Variants in KCNJ16 observed in about 807,000 individuals in gnomAD.
The protein encoded by KCNJ16 is potassium inwardly rectifying channel subfamily J member 16.
A neutral mutation model predicts 18.5 loss-of-function variants in KCNJ16; 15 were observed. That is an observed-to-expected ratio of 0.81 (90% confidence interval 0.54 to 1.25). KCNJ16 has a LOEUF of 1.25. Ranked by LOEUF, KCNJ16 falls within the 50% of genes most tolerant of loss-of-function variation. The probability of loss-of-function intolerance (pLI) is 0.00; values close to 1 mark genes in which losing one functional copy is unlikely to be tolerated. For missense variants in KCNJ16, 523 were observed against 525.7 expected (o/e 0.99, Z 0.05); for synonymous variants, 174 against 186.5 (o/e 0.93, Z 0.55).
intron 1 of KCNJ16, among the ~76,000 whole-genome samples, chr17:70,087,608 G>A (rs563778913): frequency 1.3e-5 from 2 of 152,244 alleles, no homozygotes; most frequent in South Asian, 4.1e-4. Context: ...TCGGGAGGTT[G>A]AGACAGGAGA....
chr17:70,133,798 C>T lies in KCNJ16; in HGVS notation c.*454C>T, dbSNP rs1280666711. 1 of 169,960 alleles carries T rather than the reference C, an allele frequency of 5.9e-6. No homozygotes were observed. The highest frequency in any genetic ancestry group is 2.4e-5 in the African/African-American group (1 of 41,452). The allele number at this position is 169,960 out of a possible 1,614,324, so 10.5% of individuals were successfully genotyped here. A position where few individuals can be genotyped will look rare whatever the true frequency, so the allele number is the denominator to read the frequency against. On this transcript the variant is annotated 3_prime_UTR_variant, in exon 4 of 4. Coordinates refer to ENST00000392671, the MANE Select transcript of KCNJ16 (RefSeq NM_170741.4). Reference sequence around the variant, plus strand: ...ATCTAACCAAGATATGCAAAAGATGCATTCAGTAAGCTGTAACGTTGAGAA... The same window carrying T: ...ATCTAACCAAGATATGCAAAAGATGTATTCAGTAAGCTGTAACGTTGAGAA...
chr17:70,109,225 A>G (rs1000356069), intron 2 of KCNJ16, among the ~76,000 whole-genome samples: 4 of 152,116 alleles, frequency 2.6e-5, no homozygotes, highest in African/African-American at 9.7e-5. Context: ...TTATCCTGTG[A>G]CCCTGAATAA....
chr17:70,104,995 C>T (rs908661456), intron 2 of KCNJ16: 1 of 152,526 alleles, frequency 6.6e-6, no homozygotes, highest in Non-Finnish European at 1.5e-5. Context: ...AGAAAAGGGC[C>T]CTGAGATGCT....
chr17:70,086,784 C>A (rs1456522565), intron 1 of KCNJ16, among the ~76,000 whole-genome samples: 1 of 152,100 alleles, frequency 6.6e-6, no homozygotes, highest in Non-Finnish European at 1.5e-5. Context: ...TTTTGTTATT[C>A]TTGTTTTGTG....
intron 1 of KCNJ16, among the ~76,000 whole-genome samples, chr17:70,099,579 G>A (rs1161852266): frequency 1.3e-5 from 2 of 152,058 alleles, no homozygotes; most frequent in African/African-American, 4.8e-5. Context: ...CTTGAGGGGT[G>A]TTGTGGAGGA....
chr17:70,102,042 A>G (rs551594913), intron 2 of KCNJ16: 13 of 152,200 alleles, frequency 8.5e-5, no homozygotes, highest in African/African-American at 3.1e-4. Flanking sequence ...AAAAGAGTTG[A>G]TTGAATTATT....
rs962696901 is a variant in KCNJ16, at chr17:70,130,883, A to G, written c.-186A>G. Reference sequence around the variant, plus strand: ...ATTTTTGTTTGTTTTGCACAGGAGTAACTCAAGATGATTTTGATGTTGCAG... The same window carrying G: ...ATTTTTGTTTGTTTTGCACAGGAGTGACTCAAGATGATTTTGATGTTGCAG... On this transcript the variant is annotated 5_prime_UTR_variant, in exon 3 of 4. Transcript: ENST00000392671. The G allele has an allele frequency of 3.4e-5, 42 of 1,245,550 alleles. No homozygotes were observed. The highest frequency in any genetic ancestry group is 7.4e-5 in the African/African-American group (5 of 67,324). 77.2% of individuals were successfully genotyped at this position (1,245,550 alleles called of 1,614,324 possible).
chr17:70,135,147 G>A lies in KCNJ16; in HGVS notation c.*1803G>A, dbSNP rs1240507020. 6.0e-6 allele frequency: 1 copy of A among 166,146 alleles called. No homozygotes were observed. The allele number at this position is 166,146 out of a possible 1,614,324, so 10.3% of individuals were successfully genotyped here. A position where few individuals can be genotyped will look rare whatever the true frequency, so the allele number is the denominator to read the frequency against. On this transcript the variant is annotated 3_prime_UTR_variant, in exon 4 of 4. Coordinates refer to ENST00000392671, the MANE Select transcript of KCNJ16 (RefSeq NM_170741.4). The stretch of plus-strand genomic sequence containing the variant: ...AACTGTTCTGAAGCTTAATATTAGA[G>A]ACCCAAGTAAGATTGTTTTTAGTCT...
chr17:70,091,648 C>T lies in KCNJ16; in HGVS notation c.-299-9010C>T, dbSNP rs566112003. ...CACTCCTCTGATGTTTCCATGGCAT[C>T]TATTCTACTGGTTGCAGAATATAGT... On this transcript the variant is annotated intron_variant, in intron 1 of 3. Transcript: ENST00000392671. Among the ~76,000 whole-genome samples, 4 of 152,252 alleles carry T rather than the reference C, an allele frequency of 2.6e-5. No individual in the cohort carries two copies. The East Asian group carries it at 7.7e-4, about 29-fold the overall frequency.
chr17:70,088,425 C>T (rs1444722018), intron 1 of KCNJ16, among the ~76,000 whole-genome samples: 3 of 152,160 alleles, frequency 2.0e-5, no homozygotes, highest in Non-Finnish European at 2.9e-5. Context: ...TGCTGTTCAC[C>T]GCCTGCTGTG....
chr17:70,122,912 G>A (rs888721733), intron 2 of KCNJ16, among the ~76,000 whole-genome samples: 3 of 152,186 alleles, frequency 2.0e-5, no homozygotes, highest in Non-Finnish European at 4.4e-5. Context: ...TGTAATGAGA[G>A]GTGGCTTCTG....
In KCNJ16 at chr17:70,132,206, A is replaced by G; in HGVS notation, c.119A>G (p.Asp40Gly). 1 of 1,614,248 alleles carries G rather than the reference A, an allele frequency of 6.2e-7. No homozygotes were observed. The highest frequency in any genetic ancestry group is 8.5e-7 in the Non-Finnish European group (1 of 1,180,052). ...RRARRRLLHK[D>G]GSCNVYFKHI... ...GCAAGAAGACGATTACTTCACAAAG[A>G]TGGCAGCTGTAATGTCTACTTCAAG... Residue 40 changes from aspartate to glycine, a missense_variant, in exon 4 of 4, where the codon GAT becomes GGT. Physicochemically the swap from Asp to Gly is moderately conservative, Grantham distance 94 (BLOSUM62 -1). Transcript: ENST00000392671.
intron 2 of KCNJ16, among the ~76,000 whole-genome samples, chr17:70,106,867 C>A (rs1247847292): frequency 3.3e-5 from 5 of 152,102 alleles, no homozygotes; most frequent in East Asian, 1.9e-4. Context: ...TTTGTGCGTG[C>A]ATAGTTTAAC....
At chr17:70,112,648 T>C (rs1174930748) in intron 2 of KCNJ16, among the ~76,000 whole-genome samples, 1 of 152,190 alleles carries the variant, frequency 6.6e-6, no homozygotes, top group East Asian at 1.9e-4. Flanking sequence ...TTTGATTAAG[T>C]TAAAGCAAAA....
intron 2 of KCNJ16, among the ~76,000 whole-genome samples, chr17:70,115,463 C>T (rs1236441643): frequency 1.3e-5 from 2 of 151,968 alleles, no homozygotes; most frequent in Admixed American, 1.3e-4. Context: ...CAATAGAGAC[C>T]TCAAAGTAGG....
chr17:70,120,162 C>A lies in KCNJ16; in HGVS notation c.-190-10717C>A, dbSNP rs2073574071. Among the ~76,000 whole-genome samples, 8 of 152,364 alleles carry A rather than the reference C, an allele frequency of 5.3e-5. No individual in the cohort carries two copies. In the South Asian group the frequency reaches 1.2e-3, roughly 24 times the overall value. ...GAGGCACAATGCAGCCAAGTTCATG[C>A]ATGAGTCACCTTTGCTCCAGTTCCC... On this transcript the variant is annotated intron_variant, in intron 2 of 3. Coordinates refer to ENST00000392671, the MANE Select transcript of KCNJ16 (RefSeq NM_170741.4).
chr17:70,120,897 T>C (rs948365997), intron 2 of KCNJ16, among the ~76,000 whole-genome samples: 5 of 152,198 alleles, frequency 3.3e-5, no homozygotes, highest in African/African-American at 1.2e-4. Context: ...CATTTTCTTT[T>C]ATAGGAAAGA....
Position 70,130,876 on chromosome 17 carries a change from C to A in KCNJ16, c.-190-3C>A. On this transcript the variant is annotated splice_region_variant and splice_polypyrimidine_tract_variant and intron_variant, in intron 2 of 3. Coordinates refer to ENST00000392671, the MANE Select transcript of KCNJ16 (RefSeq NM_170741.4). ...TACTTTTATTTTTGTTTGTTTTGCACAGGAGTAACTCAAGATGATTTTGAT... is the reference window on the plus strand; with the variant it reads ...TACTTTTATTTTTGTTTGTTTTGCAAAGGAGTAACTCAAGATGATTTTGAT... 8.4e-7 allele frequency: 1 copy of A among 1,185,368 alleles called. No homozygotes were observed. Among genetic ancestry groups the A allele is most frequent in the Non-Finnish European group, 1.2e-6 (1 of 827,902 alleles). The allele number at this position is 1,185,368 out of a possible 1,614,324, so 73.4% of individuals were successfully genotyped here.
intron 1 of KCNJ16, among the ~76,000 whole-genome samples, chr17:70,090,621 G>A (rs1368340515): frequency 1.3e-5 from 2 of 151,852 alleles, no homozygotes; most frequent in African/African-American, 4.8e-5. Context: ...TATCTACCCG[G>A]GTTAGCAGGG....
Sources: allele counts gnomAD v4.1 joint callset (sites outside exome capture counted in the v4.1 genomes callset), GRCh38; gene constraint gnomAD v4.1.1; transcripts MANE v1.5; gene names NCBI Gene and HGNC (gene_info 2026-07-23, HGNC 2026-07-21).